Variants in CUX2 observed in about 807,000 individuals in gnomAD.
The protein encoded by CUX2 is homeobox protein cut-like 2.
Under a neutral mutation model 144.8 loss-of-function variants are expected in CUX2, and 40 were observed. The observed-to-expected ratio is 0.28, with a 90% CI of 0.21 to 0.36. CUX2 has a LOEUF of 0.36. CUX2 is among the 10% of genes least tolerant of loss of function. The pLI is 1.00. For synonymous variants in CUX2, 827 were observed against 875.6 expected (o/e 0.94, Z 0.98); for missense variants, 1,615 against 1,994.0 (o/e 0.81, Z 3.62).
intron 4 of CUX2, among the ~76,000 whole-genome samples, chr12:111,265,119 A>T (rs1388018678): frequency 6.6e-6 from 1 of 152,030 alleles, no homozygotes. Context: ...AACCTGTACT[A>T]TTGGAAATCA....
chr12:111,331,419 G>A (rs116603402), intron 18 of CUX2, among the ~76,000 whole-genome samples: 1,664 of 152,272 alleles, frequency 0.011, 27 homozygotes, highest in African/African-American at 0.038. Flanking sequence ...GGGATTAGGT[G>A]TGGCCAGTGC....
intron 1 of CUX2, among the ~76,000 whole-genome samples, chr12:111,106,593 G>A (rs897847024): frequency 6.6e-6 from 1 of 152,204 alleles, no homozygotes; most frequent in African/African-American, 2.4e-5. Flanking sequence ...ACCATATCTG[G>A]CCTAATAATG....
intron 3 of CUX2, among the ~76,000 whole-genome samples, chr12:111,239,080 G>A (rs1882896659): frequency 6.6e-6 from 1 of 151,972 alleles, no homozygotes; most frequent in Non-Finnish European, 1.5e-5. Context: ...CAATTTACAG[G>A]TGCAGACACT....
intron 6 of CUX2, among the ~76,000 whole-genome samples, chr12:111,294,366 C>T (rs1885855047): frequency 6.6e-6 from 1 of 152,088 alleles, no homozygotes; most frequent in Admixed American, 6.5e-5. Flanking sequence ...CCTTGGCCTC[C>T]CAAAGTGCTG....
chr12:111,095,663 G>A (rs985452494), intron 1 of CUX2, among the ~76,000 whole-genome samples: 3 of 152,164 alleles, frequency 2.0e-5, no homozygotes, highest in Non-Finnish European at 4.4e-5. Context: ...CTCCTTGAGG[G>A]CTGCAGTGAG....
intron 1 of CUX2, among the ~76,000 whole-genome samples, chr12:111,165,624 A>G (rs2136157694): frequency 6.6e-6 from 1 of 152,306 alleles, no homozygotes; most frequent in African/African-American, 2.4e-5. Context: ...GTCCTTGTCT[A>G]CAAAATGGGG....
chr12:111,076,849 C>T (rs1434129256), intron 1 of CUX2, among the ~76,000 whole-genome samples: 1 of 151,976 alleles, frequency 6.6e-6, no homozygotes, highest in Non-Finnish European at 1.5e-5. Flanking sequence ...ATATGTGTGT[C>T]CTTAAAAAAA....
rs557447200 is a variant in CUX2, at chr12:111,057,892, G to A, written c.63+23652G>A. Among the ~76,000 whole-genome samples the A allele has an allele frequency of 6.6e-6, 1 of 152,228 alleles. No individual in the cohort carries two copies. Among genetic ancestry groups the A allele is most frequent in the East Asian group, 1.9e-4 (1 of 5,178 alleles). On this transcript the variant is annotated intron_variant, in intron 1 of 21. Coordinates refer to ENST00000261726, the MANE Select transcript of CUX2 (RefSeq NM_015267.4). This position sits in a 1 kb window ranked among gnomAD's most constrained non-coding sequence, Gnocchi z 5.1. ...CAGAGTCACTTAATGGGGACGCCTG[G>A]GTAATGACTGAACGCGCTAACTCCG... is the stretch of plus-strand genomic sequence containing the variant.
Position 111,348,349 on chromosome 12 carries a change from C to A in CUX2, c.*24C>A. On this transcript the variant is annotated 3_prime_UTR_variant, in exon 22 of 22. Coordinates refer to ENST00000261726, the MANE Select transcript of CUX2 (RefSeq NM_015267.4). Reference sequence around the variant, plus strand: ...GAAGGCAGGGTGAGGGGGCAAGGGACATACCCTGGTAACTACCTTCCTTCT... The same window carrying A: ...GAAGGCAGGGTGAGGGGGCAAGGGAAATACCCTGGTAACTACCTTCCTTCT... The A allele has an allele frequency of 6.3e-7, 1 of 1,585,850 alleles. No homozygotes were observed. The highest frequency in any genetic ancestry group is 8.6e-7 in the Non-Finnish European group (1 of 1,162,524).
chr12:111,307,270 G>T lies in CUX2; in HGVS notation c.1109+13G>T, dbSNP rs747976438. The T allele has an allele frequency of 1.2e-6, 2 of 1,613,424 alleles. No homozygotes were observed. The highest frequency in any genetic ancestry group is 4.5e-5 in the East Asian group (2 of 44,870). On this transcript the variant is annotated intron_variant, in intron 12 of 21. Transcript: ENST00000261726. The surrounding 1 kb of genome is among the most constrained non-coding windows in gnomAD (Gnocchi z 4.1). ...AAACGGAGCTGAGGTACCATGTGGG[G>T]TGGGGCTCCACAGACCCTCAGTGCT...
intron 3 of CUX2, among the ~76,000 whole-genome samples, chr12:111,248,997 G>A (rs1376156042): frequency 6.6e-6 from 1 of 152,214 alleles, no homozygotes; most frequent in Non-Finnish European, 1.5e-5. Flanking sequence ...ACACTGGAGG[G>A]TCCAAGAAAA....
intron 17 of CUX2, among the ~76,000 whole-genome samples, chr12:111,321,500 C>T (rs1887530372): frequency 6.6e-6 from 1 of 151,548 alleles, no homozygotes; most frequent in Non-Finnish European, 1.5e-5. Flanking sequence ...TTGGGATCAG[C>T]CTGGGCAATG....
At chr12:111,306,886 A>C in intron 10 of CUX2, 35 bp from the exon 11 acceptor site, 2 of 1,536,714 alleles carry the variant, frequency 1.3e-6, no homozygotes, top group South Asian at 2.5e-5. Context: ...CCCATCCCTC[A>C]CCTCTCAGCC....
intron 3 of CUX2, among the ~76,000 whole-genome samples, chr12:111,223,953 G>A (rs562552646): frequency 1.3e-5 from 2 of 152,254 alleles, no homozygotes; most frequent in Non-Finnish European, 2.9e-5. Flanking sequence ...GCATTCACTG[G>A]TGCTTAGCAT....
Position 111,160,174 on chromosome 12 carries a change from G to A in CUX2, c.64-54026G>A, listed in dbSNP as rs1451021723. Among the ~76,000 whole-genome samples the A allele has an allele frequency of 6.6e-6, 1 of 152,232 alleles. No individual in the cohort carries two copies. The highest frequency in any genetic ancestry group is 1.5e-5 in the Non-Finnish European group (1 of 68,038). ...AATGTCTCCTGGGACAGGCAGCATA[G>A]GACGGGGCTAGGGGGACATTTGCTA... On this transcript the variant is annotated intron_variant, in intron 1 of 21. Transcript: ENST00000261726. The surrounding 1 kb of genome is among the most constrained non-coding windows in gnomAD (Gnocchi z 4.1).
chr12:111,196,140 T>C (rs1880227392), intron 1 of CUX2, among the ~76,000 whole-genome samples: 1 of 152,228 alleles, frequency 6.6e-6, no homozygotes. Flanking sequence ...GCTTCTTACA[T>C]TAGGTATAAT....
chr12:111,342,687 G>A (rs1439260023), intron 21 of CUX2, among the ~76,000 whole-genome samples: 3 of 151,674 alleles, frequency 2.0e-5, no homozygotes, highest in Admixed American at 1.3e-4. Context: ...GGCCAGGCGC[G>A]GTGGCTCACA....
At chr12:111,150,395 C>A (rs997505888) in intron 1 of CUX2, among the ~76,000 whole-genome samples, 2 of 152,184 alleles carry the variant, frequency 1.3e-5, no homozygotes, top group African/African-American at 4.8e-5. Flanking sequence ...CACACATGCC[C>A]CTCTTGCCAA....
chr12:111,055,830 G>A (rs563474199), intron 1 of CUX2, among the ~76,000 whole-genome samples: 2 of 152,372 alleles, frequency 1.3e-5, no homozygotes, highest in East Asian at 3.9e-4. Flanking sequence ...GTTTCTGTGG[G>A]ATGTATTGAT....
Sources: gnomAD v4.1 joint callset for allele counts (sites outside exome capture counted in the v4.1 genomes callset) on GRCh38, gnomAD v4.1.1 for gene constraint, Gnocchi (gnomAD v3.1) non-coding constraint, MANE v1.5 for transcripts, NCBI Gene and HGNC (gene_info 2026-07-23, HGNC 2026-07-21) for gene names.